PRKCH: variants seen among roughly 807,000 people sequenced by gnomAD.
The protein encoded by PRKCH is protein kinase C eta.
A neutral mutation model predicts 82.5 loss-of-function variants in PRKCH; 28 were observed. That is an observed-to-expected ratio of 0.34 (90% CI 0.25 to 0.47). PRKCH has a LOEUF of 0.47. Ranked by LOEUF, PRKCH falls within the 20% of genes least tolerant of loss-of-function variation. The pLI, the probability that PRKCH is intolerant of heterozygous loss-of-function variation, is 1.00. For synonymous variants in PRKCH, 322 were observed against 327.4 expected, an observed-to-expected ratio of 0.98 and a Z score of 0.18; for missense variants, 705 against 881.8, an observed-to-expected ratio of 0.80 and a Z score of 2.54.
chr14:61,289,569 T>C (rs966858048), intron 1 of PRKCH, among the ~76,000 whole-genome samples: 1 of 152,102 alleles, frequency 6.6e-6, no homozygotes, highest in Non-Finnish European at 1.5e-5. Flanking sequence ...TAGTTAGTCA[T>C]GGTGGCATGT....
chr14:61,224,495 A>T (rs534345269), intron 1 of PRKCH, among the ~76,000 whole-genome samples: 1 of 152,282 alleles, frequency 6.6e-6, no homozygotes, highest in African/African-American at 2.4e-5. Context: ...TTGCTGTGAC[A>T]GTTGCTCACA....
intron 1 of PRKCH, among the ~76,000 whole-genome samples, chr14:61,232,934 T>G (rs1289672834): frequency 6.6e-6 from 1 of 152,124 alleles, no homozygotes; most frequent in Non-Finnish European, 1.5e-5. Flanking sequence ...ATTCCAAGGA[T>G]TTTAAAAGTT....
intron 1 of PRKCH, among the ~76,000 whole-genome samples, chr14:61,379,226 C>T (rs1052530324): frequency 5.9e-5 from 9 of 151,398 alleles, no homozygotes; most frequent in African/African-American, 1.2e-4. Context: ...CCCAGGTCCA[C>T]TTGGAAAACC....
chr14:61,209,357 A>AGGCCCTCAT (rs1242284189), intron 1 of PRKCH, among the ~76,000 whole-genome samples: 1 of 147,536 alleles, frequency 6.8e-6, no homozygotes, highest in East Asian at 2.1e-4. Flanking sequence ...CCCAGGAAGA[A>AGGCCCTCAT]GGCCCTCATC....
At chr14:61,223,385 C>T (rs1285434370) in intron 1 of PRKCH, among the ~76,000 whole-genome samples, 3 of 152,182 alleles carry the variant, frequency 2.0e-5, no homozygotes, top group African/African-American at 7.2e-5. Context: ...GACAGTGTTT[C>T]CCTATAATCA....
Position 61,549,864 on chromosome 14 carries a change from C to T in PRKCH, c.*33C>T. Reference sequence around the variant, plus strand: ...GGGAGTGAGAGAGAGGGCACGAGAACCCAAAGGGAATAGAGATTCTCCAGG... The same window carrying T: ...GGGAGTGAGAGAGAGGGCACGAGAATCCAAAGGGAATAGAGATTCTCCAGG... On this transcript the variant is annotated 3_prime_UTR_variant, in exon 14 of 14. Transcript: ENST00000332981. 1 of 1,602,770 alleles carries T rather than the reference C, an allele frequency of 6.2e-7. No homozygotes were observed. The highest frequency in any genetic ancestry group is 8.5e-7 in the Non-Finnish European group (1 of 1,174,552).
Position 61,239,523 on chromosome 14 carries a change from C to T in PRKCH, c.-19+51855C>T, listed in dbSNP as rs534575107. 6.6e-5 allele frequency among the ~76,000 whole-genome samples: 10 copies of T among 152,308 alleles called. No homozygotes were observed. The South Asian group carries it at 2.1e-3, about 32-fold the overall frequency. On this transcript the variant is annotated intron_variant, in intron 1 of 3. Transcript: ENST00000555185. ...CCTCTCTCTCCCTCTTCAGGGGGTA[C>T]GTGTCTTCCGGCCAGCTCTCTTCCT...
intron 1 of PRKCH, among the ~76,000 whole-genome samples, chr14:61,187,953 G>A (rs2044375565): frequency 1.3e-5 from 2 of 152,108 alleles, no homozygotes; most frequent in African/African-American, 4.8e-5. Flanking sequence ...ATCAGTTCAT[G>A]AATACTACAA....
At chr14:61,475,530 G>T (rs1885693080) in intron 9 of PRKCH, among the ~76,000 whole-genome samples, 1 of 152,082 alleles carries the variant, frequency 6.6e-6, no homozygotes, top group Non-Finnish European at 1.5e-5. Context: ...TGCTTTACCA[G>T]GCTAAAAAAA....
In PRKCH at chr14:61,321,890, C is replaced by G. The variant is rs548044621; in HGVS notation, c.-212C>G. ...CCCGCTGAGGGCTCGGCGGCGGGCT[C>G]CCCTCCTTTCCACCTCGGGAGGGAG... is the stretch of plus-strand genomic sequence containing the variant. On this transcript the variant is annotated 5_prime_UTR_variant, in exon 1 of 14. Transcript: ENST00000332981. This position sits in a 1 kb window ranked among gnomAD's most constrained non-coding sequence, Gnocchi z 4.1. 2.2e-5 allele frequency: 11 copies of G among 504,966 alleles called. No homozygotes were observed. The East Asian group carries it at 3.7e-4, about 17-fold the overall frequency. The allele number at this position is 504,966 out of a possible 1,614,324, so 31.3% of individuals were successfully genotyped here.
chr14:61,210,813 T>TGCGC (rs59643677), intron 1 of PRKCH, among the ~76,000 whole-genome samples: 192 of 151,238 alleles, frequency 1.3e-3, no homozygotes, highest in Non-Finnish European at 2.0e-3. Context: ...TGTGTGTGTG[T>TGCGC]GCGTGCACGC....
intron 1 of PRKCH, among the ~76,000 whole-genome samples, chr14:61,370,994 C>T (rs2046359052): frequency 6.6e-6 from 1 of 152,048 alleles, no homozygotes; most frequent in Non-Finnish European, 1.5e-5. Context: ...TCTAGAAAGG[C>T]CAGATATTCT....
In PRKCH at chr14:61,433,708, A is replaced by G. The variant is rs191411555; in HGVS notation, c.428-9403A>G. Among the ~76,000 whole-genome samples, 126 of 152,360 alleles carry G rather than the reference A, an allele frequency of 8.3e-4. 2 individuals are homozygous for G. The highest frequency in any genetic ancestry group is 2.9e-3 in the African/African-American group (120 of 41,578). On this transcript the variant is annotated intron_variant, in intron 2 of 13. Transcript: ENST00000332981. ...AATATGATTAAATGGTAACTTTAGT[A>G]TTAGTGGCTACAAGAACAGAAACAG...
intron 1 of PRKCH, among the ~76,000 whole-genome samples, chr14:61,270,744 G>A (rs1161052239): frequency 6.6e-6 from 1 of 152,208 alleles, no homozygotes; most frequent in Non-Finnish European, 1.5e-5. Context: ...AGACTGAGGA[G>A]GGAGGACTGC....
At chr14:61,283,041 T>A (rs2045285759) in intron 1 of PRKCH, among the ~76,000 whole-genome samples, 1 of 152,088 alleles carries the variant, frequency 6.6e-6, no homozygotes, top group South Asian at 2.1e-4. Context: ...TTGTAGATTT[T>A]TTTTTTTTTG....
intron 1 of PRKCH, among the ~76,000 whole-genome samples, chr14:61,244,721 A>C (rs2044865963): frequency 2.0e-5 from 3 of 152,158 alleles, no homozygotes; most frequent in Admixed American, 2.0e-4. Context: ...TGTAATGAGG[A>C]GTTATTAAAT....
intron 2 of PRKCH, among the ~76,000 whole-genome samples, chr14:61,432,097 G>T (rs1883427939): frequency 1.4e-5 from 2 of 148,040 alleles, no homozygotes; most frequent in African/African-American, 2.5e-5. Context: ...GATTATACTT[G>T]GAATTTTAAC....
At chr14:61,297,724 G>A (rs1235443286) in intron 1 of PRKCH, among the ~76,000 whole-genome samples, 1 of 152,134 alleles carries the variant, frequency 6.6e-6, no homozygotes, top group Non-Finnish European at 1.5e-5. Context: ...GGAGTTCAGG[G>A]GGTAATGCTG....
chr14:61,512,476 T>G (rs973773200), intron 10 of PRKCH, among the ~76,000 whole-genome samples: 2 of 152,126 alleles, frequency 1.3e-5, no homozygotes, highest in African/African-American at 4.8e-5. Context: ...AAGAAATGAG[T>G]TCCATATGAT....
Sources: gnomAD v4.1 joint callset for allele counts (sites outside exome capture counted in the v4.1 genomes callset) on GRCh38, gnomAD v4.1.1 for gene constraint, Gnocchi (gnomAD v3.1) non-coding constraint, MANE v1.5 for transcripts, NCBI Gene and HGNC (gene_info 2026-07-23, HGNC 2026-07-21) for gene names.